The following PAWR variants were observed in gnomAD, a reference collection of about 807,000 sequenced individuals.
PAWR encodes pro-apoptotic WT1 regulator, also known as PRKC apoptosis WT1 regulator protein.
A neutral mutation model predicts 32.0 loss-of-function variants in PAWR; 23 were observed. The observed-to-expected ratio is 0.72, with a 90% CI of 0.52 to 1.02. The LOEUF (loss-of-function observed/expected upper bound fraction) is 1.02. PAWR is among the 50% of genes least tolerant of loss of function. PAWR has a pLI of 0.00. For synonymous variants in PAWR, 226 were observed against 187.1 expected (o/e 1.21, Z -1.70); for missense variants, 457 against 437.7 (o/e 1.04, Z -0.39).
intron 2 of PAWR, among the ~76,000 whole-genome samples, chr12:79,677,686 G>A (rs1280554985): frequency 4.6e-5 from 7 of 151,984 alleles, no homozygotes; most frequent in South Asian, 2.1e-4. Flanking sequence ...TGAGTTCCTC[G>A]AAGATACTAC....
intron 4 of PAWR, among the ~76,000 whole-genome samples, chr12:79,601,070 AAAG>A (rs1424806964): frequency 6.6e-6 from 1 of 152,162 alleles, no homozygotes; most frequent in African/African-American, 2.4e-5. Context: ...TGAAACGTAA[AAAG>A]AAGGACAAGA....
At chr12:79,626,697 G>A (rs552205716) in intron 2 of PAWR, among the ~76,000 whole-genome samples, 9 of 150,834 alleles carry the variant, frequency 6.0e-5, no homozygotes, top group East Asian at 3.9e-4. Flanking sequence ...CCATTAACTC[G>A]TCATTTAACA....
chr12:79,640,341 T>C (rs1181355313), intron 2 of PAWR, among the ~76,000 whole-genome samples: 2 of 152,156 alleles, frequency 1.3e-5, no homozygotes, highest in South Asian at 2.1e-4. Context: ...CTCAGTCCTA[T>C]TTGCTGTAAC....
In PAWR at chr12:79,659,218, C is replaced by A. The variant is rs141539405; in HGVS notation, c.516+30511G>T. On this transcript the variant is annotated intron_variant, in intron 2 of 6. Coordinates refer to ENST00000328827, the MANE Select transcript of PAWR (RefSeq NM_002583.4). Reference sequence around the variant, plus strand: ...CTAAGGCAGGAGAATCGCTTGATCCCGGGAGGTGGAGGTTGCAGTGAGCCA... The same window carrying A: ...CTAAGGCAGGAGAATCGCTTGATCCAGGGAGGTGGAGGTTGCAGTGAGCCA... Among the ~76,000 whole-genome samples, 622 of 151,704 alleles carry A rather than the reference C, an allele frequency of 4.1e-3. 12 individuals are homozygous for A. The highest frequency in any genetic ancestry group is 0.014 in the African/African-American group (591 of 41,398).
At position 79,586,193 on chromosome 12, in the gene PAWR, C is replaced by G. The variant is rs1406390231; in HGVS notation, c.*6414G>C. Reference sequence around the variant, plus strand: ...AACAGTTTTTCAGCTTTTCTCAATACTTTCAGCCATCCATACATAAAATGT... The same window carrying G: ...AACAGTTTTTCAGCTTTTCTCAATAGTTTCAGCCATCCATACATAAAATGT... On this transcript the variant is annotated 3_prime_UTR_variant, in exon 7 of 7. Coordinates refer to ENST00000328827, the MANE Select transcript of PAWR (RefSeq NM_002583.4). 1 of 152,352 alleles carries G rather than the reference C, an allele frequency of 6.6e-6. No homozygotes were observed. Among genetic ancestry groups the G allele is most frequent in the Non-Finnish European group, 1.5e-5 (1 of 68,022 alleles). 9.4% of individuals were successfully genotyped at this position (152,352 alleles called of 1,614,324 possible).
intron 4 of PAWR, among the ~76,000 whole-genome samples, chr12:79,602,381 G>C (rs1310487707): frequency 6.6e-6 from 1 of 152,156 alleles, no homozygotes; most frequent in African/African-American, 2.4e-5. Flanking sequence ...CATTAAAGCA[G>C]AGAAAGTAAC....
intron 2 of PAWR, among the ~76,000 whole-genome samples, chr12:79,649,933 C>T (rs1043857433): frequency 1.3e-5 from 2 of 152,162 alleles, no homozygotes; most frequent in African/African-American, 2.4e-5. Flanking sequence ...CTCAGATCAT[C>T]AGTCATTAGT....
At chr12:79,616,282 G>C (rs1874729318) in intron 3 of PAWR, among the ~76,000 whole-genome samples, 1 of 151,886 alleles carries the variant, frequency 6.6e-6, no homozygotes, top group Non-Finnish European at 1.5e-5. Context: ...TCTCATTTTG[G>C]TTATATTTGA....
chr12:79,679,177 A>C (rs1169540780), intron 2 of PAWR, among the ~76,000 whole-genome samples: 2 of 152,200 alleles, frequency 1.3e-5, no homozygotes. Context: ...AGTTCCTTAA[A>C]GACTGGTGAA....
At position 79,585,364 on chromosome 12, in the gene PAWR, A is replaced by C. The variant is rs1873358433; in HGVS notation, c.*7243T>G. 4.7e-6 allele frequency: 1 copy of C among 210,670 alleles called. No homozygotes were observed. Among genetic ancestry groups the C allele is most frequent in the Admixed American group, 6.0e-5 (1 of 16,772 alleles). 13.1% of individuals were successfully genotyped at this position (210,670 alleles called of 1,614,324 possible). A position where few individuals can be genotyped will look rare whatever the true frequency, so the allele number is the denominator to read the frequency against. ...ACTCAAGTGTTGGGTGGGGCCAAAT[A>C]ATTTGTATTTCTAACAGGTTTCTAA... On this transcript the variant is annotated 3_prime_UTR_variant, in exon 7 of 7. Coordinates refer to ENST00000328827, the MANE Select transcript of PAWR (RefSeq NM_002583.4).
rs1488683445 is a variant in PAWR, at chr12:79,592,708, A to G, written c.937-15T>C. The G allele has an allele frequency of 1.4e-6, 1 of 724,658 alleles. No homozygotes were observed. Among genetic ancestry groups the G allele is most frequent in the Non-Finnish European group, 2.5e-6 (1 of 404,456 alleles). The allele number at this position is 724,658 out of a possible 1,614,324, so 44.9% of individuals were successfully genotyped here. Reference sequence around the variant, plus strand: ...TCATCTAGGTCCTTAAGAAAAAAAAAAGACACTTTAAAAATACTTAAAAAT... The same window carrying G: ...TCATCTAGGTCCTTAAGAAAAAAAAGAGACACTTTAAAAATACTTAAAAAT... On this transcript the variant is annotated splice_polypyrimidine_tract_variant and intron_variant, in intron 6 of 6. Coordinates refer to ENST00000328827, the MANE Select transcript of PAWR (RefSeq NM_002583.4).
intron 2 of PAWR, among the ~76,000 whole-genome samples, chr12:79,626,646 T>C (rs1308241359): frequency 6.6e-6 from 1 of 151,838 alleles, no homozygotes; most frequent in African/African-American, 2.4e-5. Context: ...AGGTGCAGGT[T>C]TGTTACATAT....
At chr12:79,608,778 C>T (rs1874309674) in intron 4 of PAWR, among the ~76,000 whole-genome samples, 1 of 152,166 alleles carries the variant, frequency 6.6e-6, no homozygotes, top group Non-Finnish European at 1.5e-5. Context: ...GGCATGGTGG[C>T]TCATGACTGT....
chr12:79,610,808 A>C lies in PAWR; in HGVS notation c.683+2767T>G, dbSNP rs578010540. On this transcript the variant is annotated intron_variant, in intron 4 of 6. Coordinates refer to ENST00000328827, the MANE Select transcript of PAWR (RefSeq NM_002583.4). ...GAAAATTACACATTGAAAAAAAAAAACCCACAAATTGGTAACACTGATCCA... is the reference window on the plus strand; with the variant it reads ...GAAAATTACACATTGAAAAAAAAAACCCCACAAATTGGTAACACTGATCCA... Among the ~76,000 whole-genome samples, 814 of 151,380 alleles carry C rather than the reference A, an allele frequency of 5.4e-3. 9 individuals are homozygous for C. Among genetic ancestry groups the C allele is most frequent in the African/African-American group, 0.017 (701 of 41,358 alleles).
At chr12:79,605,698 A>G (rs1874150473) in intron 4 of PAWR, among the ~76,000 whole-genome samples, 1 of 152,176 alleles carries the variant, frequency 6.6e-6, no homozygotes, top group Non-Finnish European at 1.5e-5. Context: ...CCAAATGGTA[A>G]AACATAATAT....
chr12:79,599,404 A>T (rs1240102654), intron 4 of PAWR, among the ~76,000 whole-genome samples: 3 of 152,236 alleles, frequency 2.0e-5, no homozygotes, highest in African/African-American at 7.2e-5. Flanking sequence ...GCAAAGCAAG[A>T]CTTTCTCAAT....
rs186648654 is a variant in PAWR at position 79,614,253 on chromosome 12, G to A, written c.649-644C>T. Among the ~76,000 whole-genome samples, 247 of 150,830 alleles carry A rather than the reference G, an allele frequency of 1.6e-3. 1 individual carries two copies. The highest frequency in any genetic ancestry group is 2.9e-3 in the South Asian group (14 of 4,762). ...TCGAACTCCTGACCTCGGGTGATCC[G>A]TCCACCTCAGCCTCCCAAAGTGCTG... On this transcript the variant is annotated intron_variant, in intron 3 of 6. Transcript: ENST00000328827.
At chr12:79,613,863 G>C (rs775426367) in intron 3 of PAWR, among the ~76,000 whole-genome samples, 3 of 135,562 alleles carry the variant, frequency 2.2e-5, no homozygotes, top group Non-Finnish European at 4.7e-5. Context: ...ACAAGGCCGG[G>C]GGCATCACTC....
intron 4 of PAWR, among the ~76,000 whole-genome samples, chr12:79,612,177 C>T (rs559858154): frequency 5.7e-4 from 86 of 152,022 alleles, no homozygotes; most frequent in African/African-American, 1.8e-3. Flanking sequence ...TAATGGCAAA[C>T]GAAAGCAGGT....
Sources: gnomAD v4.1 joint callset for allele counts (sites outside exome capture counted in the v4.1 genomes callset) on GRCh38, gnomAD v4.1.1 for gene constraint, MANE v1.5 for transcripts, NCBI Gene and HGNC (gene_info 2026-07-23, HGNC 2026-07-21) for gene names.